Variants in GSTCD observed in about 807,000 individuals in gnomAD.
GSTCD encodes glutathione S-transferase C-terminal domain containing, also known as glutathione S-transferase C-terminal domain-containing protein.
GSTCD carries 44 observed loss-of-function variants against 68.3 expected under a neutral mutation model. The ratio of observed to expected loss-of-function variants is 0.64; its 90% CI spans 0.51 to 0.83. The LOEUF (loss-of-function observed/expected upper bound fraction) is 0.83, where lower values mean the gene tolerates loss of function less well. Among genes scored for constraint, GSTCD ranks in the 40% least tolerant of loss-of-function variants. The pLI, the probability that GSTCD is intolerant of heterozygous loss-of-function variation, is 0.00. For synonymous variants in GSTCD, 273 were observed against 255.2 expected (o/e 1.07, Z -0.67); for missense variants, 739 against 735.9 (o/e 1.00, Z -0.05).
At chr4:105,808,217 C>G (rs1451791190) in intron 5 of GSTCD, among the ~76,000 whole-genome samples, 1 of 152,068 alleles carries the variant, frequency 6.6e-6, no homozygotes, top group Non-Finnish European at 1.5e-5. Context: ...TATCAGTCTC[C>G]TTATCAGCTT....
At chr4:105,724,571 A>G (rs990238308) in intron 3 of GSTCD, among the ~76,000 whole-genome samples, 3 of 151,818 alleles carry the variant, frequency 2.0e-5, no homozygotes, top group African/African-American at 7.3e-5. Context: ...TTGGTAAGGA[A>G]TATCATTTAG....
At chr4:105,742,048 T>C (rs1733646813) in intron 5 of GSTCD, among the ~76,000 whole-genome samples, 1 of 152,226 alleles carries the variant, frequency 6.6e-6, no homozygotes, top group Non-Finnish European at 1.5e-5. Context: ...TAAGATTTTA[T>C]TGGTACTTGG....
At chr4:105,827,421 C>T (rs1723689800) in intron 8 of GSTCD, among the ~76,000 whole-genome samples, 1 of 152,182 alleles carries the variant, frequency 6.6e-6, no homozygotes, top group African/African-American at 2.4e-5. Flanking sequence ...AAATTTTTCT[C>T]TACATTTTGT....
At position 105,796,074 on chromosome 4, in the gene GSTCD, G is replaced by A. The variant is rs115959210; in HGVS notation, c.1241-26880G>A. Among the ~76,000 whole-genome samples the A allele has an allele frequency of 8.9e-3, 1,352 of 152,240 alleles. 22 individuals carry two copies. The highest frequency in any genetic ancestry group is 0.031 in the African/African-American group (1,274 of 41,530). On this transcript the variant is annotated intron_variant, in intron 5 of 11. Coordinates refer to ENST00000515279, the MANE Select transcript of GSTCD (RefSeq NM_001370181.1). The stretch of plus-strand genomic sequence containing the variant: ...TCATACTGCTGGTAAAGACATACCC[G>A]AGACTGGATAATTTATACAGGAAAG...
chr4:105,783,243 T>TA (rs1313006074), intron 5 of GSTCD, among the ~76,000 whole-genome samples: 1 of 152,220 alleles, frequency 6.6e-6, no homozygotes, highest in Non-Finnish European at 1.5e-5. Context: ...ATGAATATGT[T>TA]AGAGACAGTG....
intron 5 of GSTCD, among the ~76,000 whole-genome samples, chr4:105,732,106 T>C (rs375065254): frequency 9.9e-5 from 15 of 152,260 alleles, no homozygotes; most frequent in African/African-American, 3.6e-4. Flanking sequence ...AGTATTTTAT[T>C]GAGGATTTTT....
At position 105,719,274 on chromosome 4, in the gene GSTCD, A is replaced by G; in HGVS notation, c.641A>G (p.Lys214Arg). 6 of 1,614,126 alleles carry G rather than the reference A, an allele frequency of 3.7e-6. No homozygotes were observed. Among genetic ancestry groups the G allele is most frequent in the Non-Finnish European group, 5.1e-6 (6 of 1,179,992 alleles). ...GATGGAGTTGGGCCTCCCCTTACTA[A>G]GGGAAAGGCAAAGAGCAAGGTCCAC... ...KADGVGPPLTKGKAKSKVHTQ... is the reference protein window; with the variant it reads ...KADGVGPPLTRGKAKSKVHTQ... Residue 214 changes from lysine to arginine, a missense_variant, in exon 3 of 12, where the codon AAG becomes AGG. Coordinates refer to ENST00000515279, the MANE Select transcript of GSTCD (RefSeq NM_001370181.1).
chr4:105,734,485 C>T lies in GSTCD; in HGVS notation c.1240+4986C>T, dbSNP rs533573561. 2.0e-5 allele frequency among the ~76,000 whole-genome samples: 3 copies of T among 152,356 alleles called. No homozygotes were observed. The South Asian group carries it at 6.2e-4, about 32-fold the overall frequency. On this transcript the variant is annotated intron_variant, in intron 5 of 11. Coordinates refer to ENST00000515279, the MANE Select transcript of GSTCD (RefSeq NM_001370181.1). The stretch of plus-strand genomic sequence containing the variant: ...TTCTTCCATTTTATCGAATCAGCTA[C>T]TGAAGCTTGTGCATTCATCATGTAG...
At chr4:105,805,099 T>G (rs1173606301) in intron 5 of GSTCD, among the ~76,000 whole-genome samples, 2 of 152,118 alleles carry the variant, frequency 1.3e-5, no homozygotes, top group East Asian at 3.8e-4. Context: ...AAAAGGGATA[T>G]TATAAAATAT....
At chr4:105,741,048 CTTCACTTA>C (rs1041206027) in intron 5 of GSTCD, among the ~76,000 whole-genome samples, 1 of 152,060 alleles carries the variant, frequency 6.6e-6, no homozygotes, top group Non-Finnish European at 1.5e-5. Flanking sequence ...AGCTCAATTT[CTTCACTTA>C]TTCACTTATT....
chr4:105,745,094 G>T (rs186831693), intron 5 of GSTCD, among the ~76,000 whole-genome samples: 1 of 152,068 alleles, frequency 6.6e-6, no homozygotes, highest in African/African-American at 2.4e-5. Flanking sequence ...ATCTGTTTCT[G>T]CCTTTTCCAA....
At chr4:105,839,698 A>C (rs1284557076) in intron 10 of GSTCD, among the ~76,000 whole-genome samples, 4 of 152,146 alleles carry the variant, frequency 2.6e-5, no homozygotes, top group Admixed American at 6.5e-5. Context: ...AGAAAGGAAA[A>C]GGAAAGAAAA....
intron 5 of GSTCD, among the ~76,000 whole-genome samples, chr4:105,762,066 A>C (rs960331795): frequency 6.6e-6 from 1 of 152,206 alleles, no homozygotes; most frequent in Non-Finnish European, 1.5e-5. Context: ...AAGTGTGTGA[A>C]TCCTCAGTCC....
intron 5 of GSTCD, among the ~76,000 whole-genome samples, chr4:105,755,056 CAAAAAAAAAAAAAAAAAAAAAAAAAA>C (rs70941214): frequency 6.7e-3 from 340 of 51,012 alleles, no homozygotes; most frequent in Middle Eastern, 0.01. Flanking sequence ...CTCATTTCTC[CAAAAAAAAAAAAAAAAAAAAAAAAAA>C]AAAAAAAAAA....
At chr4:105,723,628 C>G (rs111384771) in intron 3 of GSTCD, among the ~76,000 whole-genome samples, 1 of 151,522 alleles carries the variant, frequency 6.6e-6, no homozygotes, top group Non-Finnish European at 1.5e-5. Context: ...GGTCTTGGAA[C>G]CAATCCTCCA....
chr4:105,813,035 G>A (rs1211951221), intron 5 of GSTCD, among the ~76,000 whole-genome samples: 2 of 152,080 alleles, frequency 1.3e-5, no homozygotes, highest in African/African-American at 4.8e-5. Flanking sequence ...GGGGTGGTAG[G>A]TGAGAGCACA....
intron 5 of GSTCD, among the ~76,000 whole-genome samples, chr4:105,739,730 G>A (rs775103901): frequency 6.6e-6 from 1 of 152,144 alleles, no homozygotes; most frequent in Non-Finnish European, 1.5e-5. Flanking sequence ...CTTCAGTTCT[G>A]GTCCAGAGAG....
intron 5 of GSTCD, among the ~76,000 whole-genome samples, chr4:105,791,111 T>C (rs1387446286): frequency 6.6e-6 from 1 of 151,828 alleles, no homozygotes; most frequent in Non-Finnish European, 1.5e-5. Context: ...AAAGAGGGGC[T>C]GGCCGGGCAC....
At chr4:105,734,250 GA>G (rs1451667492) in intron 5 of GSTCD, among the ~76,000 whole-genome samples, 2 of 152,182 alleles carry the variant, frequency 1.3e-5, no homozygotes, top group Non-Finnish European at 2.9e-5. Flanking sequence ...CTAGGTTGGG[GA>G]AGTTCTCCTG....
Sources: allele counts gnomAD v4.1 joint callset (sites outside exome capture counted in the v4.1 genomes callset), GRCh38; gene constraint gnomAD v4.1.1; transcripts MANE v1.5; gene names NCBI Gene and HGNC (gene_info 2026-07-23, HGNC 2026-07-21).